Variants in PPM1L observed in about 807,000 individuals in gnomAD.
The protein encoded by PPM1L is protein phosphatase, Mg2+/Mn2+ dependent 1L.
Under a neutral mutation model 31.4 loss-of-function variants are expected in PPM1L, and 13 were observed. The ratio of observed to expected loss-of-function variants is 0.41; its 90% CI spans 0.27 to 0.66. The LOEUF (loss-of-function observed/expected upper bound fraction) is 0.66, where lower values mean the gene tolerates loss of function less well. Ranked by LOEUF, PPM1L falls within the 30% of genes least tolerant of loss-of-function variation. PPM1L has a pLI of 0.29. For synonymous variants in PPM1L, 184 were observed against 175.4 expected, an observed-to-expected ratio of 1.05 and a Z score of -0.39; for missense variants, 326 against 453.7, an observed-to-expected ratio of 0.72 and a Z score of 2.56.
chr3:160,773,086 G>T (rs1711500142), intron 1 of PPM1L, among the ~76,000 whole-genome samples: 1 of 152,270 alleles, frequency 6.6e-6, no homozygotes, highest in East Asian at 1.9e-4. Flanking sequence ...TGGCTGGATT[G>T]TGTGGTAGGT....
At chr3:160,915,507 GCCATCC>G (rs1174287333) in intron 1 of PPM1L, among the ~76,000 whole-genome samples, 1 of 152,002 alleles carries the variant, frequency 6.6e-6, no homozygotes, top group Non-Finnish European at 1.5e-5. Context: ...TAGATTCAAT[GCCATCC>G]CCATCAAGCT....
intron 2 of PPM1L, among the ~76,000 whole-genome samples, chr3:161,046,077 C>T (rs1423900887): frequency 7.8e-6 from 1 of 129,014 alleles, no homozygotes; most frequent in Non-Finnish European, 1.6e-5. Context: ...TGCCACTGCA[C>T]TCCAGCCTGG....
chr3:160,804,996 T>G (rs1234345328), intron 1 of PPM1L, among the ~76,000 whole-genome samples: 1 of 152,196 alleles, frequency 6.6e-6, no homozygotes, highest in African/African-American at 2.4e-5. Context: ...CTGGAGACAG[T>G]GTGACCTTCT....
intron 1 of PPM1L, among the ~76,000 whole-genome samples, chr3:160,934,719 G>A (rs1268340233): frequency 6.6e-6 from 1 of 152,092 alleles, no homozygotes; most frequent in Non-Finnish European, 1.5e-5. Flanking sequence ...TTGGGAGGCC[G>A]AAGTGGGTGG....
At chr3:160,833,045 T>A (rs542036351) in intron 1 of PPM1L, among the ~76,000 whole-genome samples, 1 of 152,344 alleles carries the variant, frequency 6.6e-6, no homozygotes, top group South Asian at 2.1e-4. Flanking sequence ...CTGTGTTAGT[T>A]TGCTGAAGAT....
chr3:160,974,972 C>G (rs1265492391), intron 2 of PPM1L, among the ~76,000 whole-genome samples: 2 of 152,066 alleles, frequency 1.3e-5, no homozygotes, highest in African/African-American at 4.8e-5. Flanking sequence ...AATGGTAATG[C>G]CTAGATTTTC....
At chr3:160,906,556 C>G (rs767792276) in intron 1 of PPM1L, among the ~76,000 whole-genome samples, 1 of 151,996 alleles carries the variant, frequency 6.6e-6, no homozygotes, top group Non-Finnish European at 1.5e-5. Flanking sequence ...GAGCCAAGAT[C>G]ATGCCACTGC....
At chr3:160,786,151 C>G (rs531778683) in intron 1 of PPM1L, among the ~76,000 whole-genome samples, 1,717 of 85,372 alleles carry the variant, frequency 0.02, 21 homozygotes, top group African/African-American at 0.068. Context: ...CTCTCTCTCT[C>G]TCTCTCTGTG....
chr3:160,921,514 G>A (rs1009443068), intron 1 of PPM1L, among the ~76,000 whole-genome samples: 1 of 152,018 alleles, frequency 6.6e-6, no homozygotes, highest in Non-Finnish European at 1.5e-5. Context: ...TTTGAATAAC[G>A]TTTAGTCCCA....
chr3:160,776,327 G>A lies in PPM1L; in HGVS notation c.399+19620G>A, dbSNP rs75507710. 1.4e-4 allele frequency among the ~76,000 whole-genome samples: 22 copies of A among 152,252 alleles called. No homozygotes were observed. The East Asian group carries it at 4.1e-3, about 28-fold the overall frequency. Reference sequence around the variant, plus strand: ...GAAGTTGCTTTGTGTGTGTGTTTGTGTGTGTGTGTATGTGTGTTTACTCAT... The same window carrying A: ...GAAGTTGCTTTGTGTGTGTGTTTGTATGTGTGTGTATGTGTGTTTACTCAT... On this transcript the variant is annotated intron_variant, in intron 1 of 3. Coordinates refer to ENST00000498165, the MANE Select transcript of PPM1L (RefSeq NM_139245.4).
chr3:160,957,407 G>A (rs1715809414), intron 1 of PPM1L, among the ~76,000 whole-genome samples: 2 of 151,956 alleles, frequency 1.3e-5, no homozygotes, highest in Admixed American at 1.3e-4. Context: ...CTATTCCTTT[G>A]GGTATATACC....
chr3:160,785,409 T>C (rs1414627267), intron 1 of PPM1L, among the ~76,000 whole-genome samples: 1 of 152,176 alleles, frequency 6.6e-6, no homozygotes, highest in Non-Finnish European at 1.5e-5. Context: ...GTATTACTTT[T>C]TATAACTTAA....
intron 1 of PPM1L, among the ~76,000 whole-genome samples, chr3:160,893,766 G>A (rs1713234818): frequency 6.6e-6 from 1 of 152,142 alleles, no homozygotes; most frequent in African/African-American, 2.4e-5. Context: ...ATGGGCCTTG[G>A]ATAATCATCA....
At chr3:160,841,339 T>A (rs1713873741) in intron 1 of PPM1L, among the ~76,000 whole-genome samples, 1 of 151,898 alleles carries the variant, frequency 6.6e-6, no homozygotes, top group Non-Finnish European at 1.5e-5. Context: ...TACAGGGATT[T>A]TTTTTTTTTT....
intron 2 of PPM1L, among the ~76,000 whole-genome samples, chr3:161,053,395 A>G (rs913357648): frequency 8.5e-5 from 13 of 152,228 alleles, no homozygotes; most frequent in Non-Finnish European, 1.0e-4. Context: ...AATGCATGTG[A>G]TCAGTTTACT....
At chr3:161,012,706 G>A (rs1337455373) in intron 2 of PPM1L, among the ~76,000 whole-genome samples, 1 of 151,978 alleles carries the variant, frequency 6.6e-6, no homozygotes, top group East Asian at 1.9e-4. Context: ...TCCTGTTATT[G>A]GTCTATTCAG....
chr3:160,809,525 C>T (rs1712746281), intron 1 of PPM1L, among the ~76,000 whole-genome samples: 1 of 152,130 alleles, frequency 6.6e-6, no homozygotes, highest in Admixed American at 6.5e-5. Context: ...CTCCTGGACT[C>T]TCATGGTGCC....
chr3:160,935,977 G>A (rs1039486369), intron 1 of PPM1L, among the ~76,000 whole-genome samples: 4 of 152,136 alleles, frequency 2.6e-5, no homozygotes, highest in African/African-American at 7.2e-5. Context: ...CTGGAGATTC[G>A]GCAATAAACT....
intron 1 of PPM1L, among the ~76,000 whole-genome samples, chr3:160,906,213 A>G (rs1472008552): frequency 6.6e-6 from 1 of 152,204 alleles, no homozygotes; most frequent in Non-Finnish European, 1.5e-5. Flanking sequence ...TGTCTGGATC[A>G]GTATGTCTAT....
Sources: allele counts gnomAD v4.1 joint callset (sites outside exome capture counted in the v4.1 genomes callset), GRCh38; gene constraint gnomAD v4.1.1; transcripts MANE v1.5; gene names NCBI Gene and HGNC (gene_info 2026-07-23, HGNC 2026-07-21).